The following SPATA17 variants were observed in gnomAD, a reference collection of about 807,000 sequenced individuals.
SPATA17 encodes spermatogenesis-associated protein 17.
SPATA17 carries 53 observed loss-of-function variants against 62.2 expected under a neutral mutation model. The observed-to-expected ratio is 0.85, with a 90% CI of 0.68 to 1.07. The LOEUF (loss-of-function observed/expected upper bound fraction) is 1.07, where lower values mean the gene tolerates loss of function less well. Among genes scored for constraint, SPATA17 ranks in the 50% least tolerant of loss-of-function variants. The pLI, the probability that SPATA17 is intolerant of heterozygous loss-of-function variation, is 0.00. For synonymous variants in SPATA17, 146 were observed against 146.8 expected, an observed-to-expected ratio of 0.99 and a Z score of 0.04; for missense variants, 466 against 425.5, an observed-to-expected ratio of 1.10 and a Z score of -0.84.
At chr1:217,814,720 T>C (rs992162708) in intron 9 of SPATA17, among the ~76,000 whole-genome samples, 3 of 152,052 alleles carry the variant, frequency 2.0e-5, no homozygotes, top group African/African-American at 7.2e-5. Flanking sequence ...TGGTGGCACA[T>C]GTCTGTAGTT....
At chr1:217,650,713 T>G (rs1050487053) in intron 2 of SPATA17, among the ~76,000 whole-genome samples, 1 of 152,218 alleles carries the variant, frequency 6.6e-6, no homozygotes, top group Non-Finnish European at 1.5e-5. Context: ...CATGAGCCAC[T>G]GCGCCCGGCC....
At chr1:217,851,421 G>A (rs1675662861) in intron 9 of SPATA17, among the ~76,000 whole-genome samples, 1 of 151,700 alleles carries the variant, frequency 6.6e-6, no homozygotes, top group South Asian at 2.1e-4. Context: ...AAAAACATAA[G>A]CAGTAATTAG....
At chr1:217,709,253 T>C (rs1003140326) in intron 5 of SPATA17, among the ~76,000 whole-genome samples, 4 of 152,182 alleles carry the variant, frequency 2.6e-5, no homozygotes, top group Non-Finnish European at 5.9e-5. Context: ...TAAATATTTT[T>C]TATCTCATAG....
chr1:217,807,307 A>T (rs187305047), intron 9 of SPATA17, among the ~76,000 whole-genome samples: 1 of 152,190 alleles, frequency 6.6e-6, no homozygotes, highest in East Asian at 1.9e-4. Context: ...CTACCTATTG[A>T]ATGCTAGGTT....
chr1:217,696,988 C>T (rs1465686353), intron 5 of SPATA17, among the ~76,000 whole-genome samples: 18 of 152,066 alleles, frequency 1.2e-4, no homozygotes, highest in Admixed American at 1.1e-3. Flanking sequence ...GCAGGTGACT[C>T]CTCTTTGTTT....
rs543719561 is a variant in SPATA17, at chr1:217,782,572, T to A, written c.872+250T>A. Among the ~76,000 whole-genome samples the A allele has an allele frequency of 1.3e-4, 20 of 152,238 alleles. 1 individual carries two copies. The South Asian group carries it at 3.9e-3, about 30-fold the overall frequency. ...GCATTTTGAGGATAAATGATCACTA[T>A]CTATGTATCTGTGAAGATAATTTTC... is the stretch of plus-strand genomic sequence containing the variant. On this transcript the variant is annotated intron_variant, in intron 8 of 10. Transcript: ENST00000366933.
chr1:217,826,535 AT>A (rs551269316), intron 9 of SPATA17, among the ~76,000 whole-genome samples: 1 of 152,184 alleles, frequency 6.6e-6, no homozygotes, highest in South Asian at 2.1e-4. Context: ...TATTTCTGAT[AT>A]TTATATTCTA....
intron 7 of SPATA17, among the ~76,000 whole-genome samples, chr1:217,779,538 TC>T (rs1412119889): frequency 6.6e-6 from 1 of 151,920 alleles, no homozygotes; most frequent in East Asian, 1.9e-4. Flanking sequence ...TTCTCAGTCT[TC>T]CTTCTGTCAT....
intron 8 of SPATA17, among the ~76,000 whole-genome samples, chr1:217,799,986 C>A (rs912000832): frequency 2.0e-5 from 3 of 151,970 alleles, no homozygotes; most frequent in Non-Finnish European, 4.4e-5. Flanking sequence ...TTTAAAAAAG[C>A]ATCCAACTTT....
At chr1:217,673,371 G>T (rs1181848341) in intron 4 of SPATA17, among the ~76,000 whole-genome samples, 1 of 152,048 alleles carries the variant, frequency 6.6e-6, no homozygotes, top group Non-Finnish European at 1.5e-5. Context: ...GCAATAAATT[G>T]CTCAGTAAAT....
At chr1:217,799,210 A>G (rs558537946) in intron 8 of SPATA17, among the ~76,000 whole-genome samples, 5 of 152,300 alleles carry the variant, frequency 3.3e-5, no homozygotes, top group Non-Finnish European at 4.4e-5. Flanking sequence ...GAATATGTAT[A>G]TATGTTACTT....
intron 9 of SPATA17, among the ~76,000 whole-genome samples, chr1:217,837,447 G>A (rs1675287252): frequency 6.6e-6 from 1 of 152,060 alleles, no homozygotes; most frequent in African/African-American, 2.4e-5. Flanking sequence ...TGGGGGTGGT[G>A]CTTGAGTTAA....
intron 5 of SPATA17, among the ~76,000 whole-genome samples, chr1:217,709,863 ATGT>A (rs1671817164): frequency 6.6e-6 from 1 of 152,186 alleles, no homozygotes; most frequent in African/African-American, 2.4e-5. Context: ...TCAATCTTTA[ATGT>A]TGTCTTGAGG....
At chr1:217,843,359 G>T (rs1206362460) in intron 9 of SPATA17, among the ~76,000 whole-genome samples, 4 of 151,996 alleles carry the variant, frequency 2.6e-5, no homozygotes, top group Non-Finnish European at 5.9e-5. Context: ...GCTCATGCCT[G>T]TAATCTCAGC....
rs1312879315 is a variant in SPATA17 at position 217,773,060 on chromosome 1, C to T, written c.520-1274C>T. ...ATGTTGCATTTGGGATAGGACGTTG[C>T]ATTTGGAATAGGATATTGCATTTGG... On this transcript the variant is annotated intron_variant, in intron 6 of 10. Coordinates refer to ENST00000366933, the MANE Select transcript of SPATA17 (RefSeq NM_138796.4). Among the ~76,000 whole-genome samples, 3 of 151,956 alleles carry T rather than the reference C, an allele frequency of 2.0e-5. No homozygotes were observed. In the East Asian group the frequency reaches 5.8e-4, roughly 29 times the overall value.
chr1:217,827,967 A>C (rs910519926), intron 9 of SPATA17, among the ~76,000 whole-genome samples: 4 of 152,152 alleles, frequency 2.6e-5, no homozygotes. Context: ...TGATAGGTGC[A>C]GCAAACCACA....
chr1:217,667,423 C>T (rs1670724871), intron 3 of SPATA17, among the ~76,000 whole-genome samples: 1 of 152,130 alleles, frequency 6.6e-6, no homozygotes, highest in Non-Finnish European at 1.5e-5. Flanking sequence ...TAATCCCTTT[C>T]ATAATGACTA....
At chr1:217,815,005 C>G (rs764088941) in intron 9 of SPATA17, among the ~76,000 whole-genome samples, 1 of 151,964 alleles carries the variant, frequency 6.6e-6, no homozygotes, top group Non-Finnish European at 1.5e-5. Flanking sequence ...AAACTCGTAA[C>G]CTTATGTTTT....
chr1:217,646,515 G>A (rs12137321), intron 1 of SPATA17, among the ~76,000 whole-genome samples: 20,134 of 151,636 alleles, frequency 0.13, 1,459 homozygotes, highest in Non-Finnish European at 0.17. Flanking sequence ...TTTTTTTTGC[G>A]TTTTCCTTTT....
Sources: allele counts gnomAD v4.1 joint callset (sites outside exome capture counted in the v4.1 genomes callset), GRCh38; gene constraint gnomAD v4.1.1; transcripts MANE v1.5; gene names NCBI Gene and HGNC (gene_info 2026-07-23, HGNC 2026-07-21).